CDH22: variants seen among roughly 807,000 people sequenced by gnomAD.
The protein encoded by CDH22 is cadherin 22.
In CDH22, 30 loss-of-function variants were observed where a neutral mutation model predicts 58.4. The observed-to-expected ratio is 0.51, with a 90% CI of 0.38 to 0.70. The LOEUF is 0.70. Ranked by LOEUF, CDH22 falls within the 30% of genes least tolerant of loss-of-function variation. CDH22 has a pLI of 0.00. For missense variants in CDH22, 1,014 were observed against 1,233.9 expected (o/e 0.82, Z 2.67); for synonymous variants, 513 against 558.2 (o/e 0.92, Z 1.14).
In CDH22 at chr20:46,284,775, G is replaced by A. The variant is rs6032748; in HGVS notation, c.-400+23480C>T. Among the ~76,000 whole-genome samples, 310 of 152,288 alleles carry A rather than the reference G, an allele frequency of 2.0e-3. 3 individuals carry two copies. The highest frequency in any genetic ancestry group is 7.0e-3 in the African/African-American group (291 of 41,564). ...CACGCCATTTCTGTCCCTCCAGGCC[G>A]CCTCTGTGTAAGGAGTCCCAGTGGG... On this transcript the variant is annotated intron_variant, in intron 1 of 11. Coordinates refer to ENST00000537909, the MANE Select transcript of CDH22 (RefSeq NM_021248.3).
At chr20:46,189,057 G>T (rs868397494) in intron 8 of CDH22, among the ~76,000 whole-genome samples, 20 of 152,236 alleles carry the variant, frequency 1.3e-4, no homozygotes, top group African/African-American at 4.6e-4. Flanking sequence ...AGCTGCTCAC[G>T]TGTTGATAAA....
At chr20:46,258,415 C>T (rs888423286) in intron 1 of CDH22, among the ~76,000 whole-genome samples, 5 of 152,164 alleles carry the variant, frequency 3.3e-5, no homozygotes, top group Non-Finnish European at 7.4e-5. Flanking sequence ...GAGCCTCCTT[C>T]TCCCTGCACC....
intron 3 of CDH22, among the ~76,000 whole-genome samples, chr20:46,232,924 C>A (rs1229372033): frequency 5.9e-5 from 9 of 152,076 alleles, no homozygotes; most frequent in Admixed American, 5.9e-4. Flanking sequence ...GGTCCAGAGA[C>A]AAGTGACAGA....
At chr20:46,245,445 G>A (rs1018414164) in intron 2 of CDH22, among the ~76,000 whole-genome samples, 5 of 152,156 alleles carry the variant, frequency 3.3e-5, no homozygotes, top group Non-Finnish European at 7.3e-5. Flanking sequence ...GACTAAGTTA[G>A]GTTTGTCTCT....
intron 1 of CDH22, among the ~76,000 whole-genome samples, chr20:46,286,576 C>T (rs1053673696): frequency 2.0e-5 from 3 of 152,130 alleles, no homozygotes; most frequent in African/African-American, 7.2e-5. Context: ...AGAAACCCTG[C>T]GCAGCCAGCC....
intron 1 of CDH22, among the ~76,000 whole-genome samples, chr20:46,259,353 T>C (rs1165240035): frequency 2.0e-5 from 3 of 152,238 alleles, no homozygotes; most frequent in African/African-American, 7.2e-5. Flanking sequence ...GTTTCACAAA[T>C]AAGCCTTAAC....
chr20:46,299,446 G>A (rs1600730828), intron 1 of CDH22, among the ~76,000 whole-genome samples: 2 of 152,250 alleles, frequency 1.3e-5, no homozygotes, highest in Admixed American at 1.3e-4. Flanking sequence ...CTGATGGTGG[G>A]AGGGCTAGGA....
At chr20:46,181,711 CTT>C (rs11477703) in intron 10 of CDH22, among the ~76,000 whole-genome samples, 1 of 107,014 alleles carries the variant, frequency 9.3e-6, no homozygotes, top group Admixed American at 9.9e-5. Context: ...TCTTTTCTTT[CTT>C]TTTTTCCTTC....
chr20:46,254,554 C>CAAAAAA (rs1257630029), intron 1 of CDH22, among the ~76,000 whole-genome samples: 2 of 64,126 alleles, frequency 3.1e-5, no homozygotes, highest in Non-Finnish European at 7.0e-5. Context: ...AATTCCATCT[C>CAAAAAA]AAAAAAAAAA....
At chr20:46,265,126 G>A (rs533749075) in intron 1 of CDH22, among the ~76,000 whole-genome samples, 3 of 152,256 alleles carry the variant, frequency 2.0e-5, no homozygotes, top group South Asian at 2.1e-4. Flanking sequence ...TTTACACCGC[G>A]CCCTGTCAGA....
chr20:46,214,820 C>A (rs182123190), intron 5 of CDH22, among the ~76,000 whole-genome samples: 1 of 152,348 alleles, frequency 6.6e-6, no homozygotes, highest in South Asian at 2.1e-4. Context: ...AGAATTACTG[C>A]GTTTTTACTC....
intron 1 of CDH22, among the ~76,000 whole-genome samples, chr20:46,253,549 C>T (rs959368572): frequency 5.3e-5 from 8 of 152,154 alleles, no homozygotes; most frequent in Non-Finnish European, 7.3e-5. Context: ...GGCCTGGGCA[C>T]GAGGCTTCCC....
At chr20:46,243,192 G>A (rs2086304419) in intron 2 of CDH22, among the ~76,000 whole-genome samples, 1 of 152,156 alleles carries the variant, frequency 6.6e-6, no homozygotes, top group East Asian at 1.9e-4. Context: ...TCACGAAGAG[G>A]GACGAAAGCC....
In CDH22 at chr20:46,216,823, C is replaced by G; in HGVS notation, c.838+3G>C. 6.3e-7 allele frequency: 1 copy of G among 1,591,670 alleles called. No individual in the cohort carries two copies. The highest frequency in any genetic ancestry group is 8.6e-7 in the Non-Finnish European group (1 of 1,161,400). ...CGCCTTCCTCTGGGAAGGCCTCACTCACTCTGCGGGAAACGGGGCGGGTTG... is the reference window on the plus strand; with the variant it reads ...CGCCTTCCTCTGGGAAGGCCTCACTGACTCTGCGGGAAACGGGGCGGGTTG... On this transcript the variant is annotated splice_donor_region_variant and intron_variant, in intron 5 of 11. Transcript: ENST00000537909. This position sits in a 1 kb window ranked among gnomAD's most constrained non-coding sequence, Gnocchi z 5.3.
At chr20:46,192,585 G>A (rs1024554574) in intron 8 of CDH22, among the ~76,000 whole-genome samples, 1 of 152,004 alleles carries the variant, frequency 6.6e-6, no homozygotes, top group East Asian at 1.9e-4. Flanking sequence ...TGGAGTGGGA[G>A]GGGGAGAGAG....
chr20:46,284,906 T>G (rs1286803256), intron 1 of CDH22, among the ~76,000 whole-genome samples: 1 of 152,158 alleles, frequency 6.6e-6, no homozygotes, highest in Non-Finnish European at 1.5e-5. Flanking sequence ...GAAAGGTGTT[T>G]GTCCTTCTGG....
intron 8 of CDH22, among the ~76,000 whole-genome samples, chr20:46,190,013 TA>T (rs1488591599): frequency 3.3e-5 from 5 of 151,924 alleles, no homozygotes; most frequent in Non-Finnish European, 7.4e-5. Context: ...ACCACTATGC[TA>T]GGGTGACTGG....
intron 2 of CDH22, among the ~76,000 whole-genome samples, chr20:46,250,689 T>C (rs1203950065): frequency 6.6e-6 from 1 of 152,304 alleles, no homozygotes; most frequent in African/African-American, 2.4e-5. Flanking sequence ...CCCCAGTGCA[T>C]AGGGAGCTGC....
intron 10 of CDH22, among the ~76,000 whole-genome samples, chr20:46,181,748 C>CTTCCTTCGTTCCTTCG (rs1555800211): frequency 3.8e-5 from 1 of 26,320 alleles, no homozygotes; most frequent in Non-Finnish European, 8.3e-5. Flanking sequence ...TCCTTCCTTC[C>CTTCCTTCGTTCCTTCG]TTCCTTCTTT....
Sources: gnomAD v4.1 joint callset for allele counts (sites outside exome capture counted in the v4.1 genomes callset) on GRCh38, gnomAD v4.1.1 for gene constraint, Gnocchi (gnomAD v3.1) non-coding constraint, MANE v1.5 for transcripts, NCBI Gene and HGNC (gene_info 2026-07-23, HGNC 2026-07-21) for gene names.